LSM1: variants seen among roughly 807,000 people sequenced by gnomAD.
LSM1 encodes the protein LSM1 homolog, mRNA degradation associated, also known as U6 snRNA-associated Sm-like protein LSm1.
In LSM1, 13 loss-of-function variants were observed where a neutral mutation model predicts 18.0. The ratio of observed to expected loss-of-function variants is 0.72; its 90% CI spans 0.47 to 1.15. LSM1 has a LOEUF of 1.15. Ranked by LOEUF, LSM1 falls within the 50% of genes most tolerant of loss-of-function variation. The pLI is 0.00. For missense variants in LSM1, 152 were observed against 157.7 expected, an observed-to-expected ratio of 0.96 and a Z score of 0.19; for synonymous variants, 46 against 56.0, an observed-to-expected ratio of 0.82 and a Z score of 0.80.
intron 3 of LSM1, among the ~76,000 whole-genome samples, chr8:38,166,391 A>G (rs1250977862): frequency 6.6e-6 from 1 of 152,230 alleles, no homozygotes; most frequent in African/African-American, 2.4e-5. Flanking sequence ...AGTGTGAGCC[A>G]CTGTGCCTGG....
Position 38,163,821 on chromosome 8 carries a change from T to C in LSM1, c.251A>G (p.Asp84Gly). Residue 84 changes from aspartate to glycine, a missense_variant, in exon 4 of 4, where the codon GAC becomes GGC. Physicochemically the swap from Asp to Gly is moderately conservative, Grantham distance 94. Transcript: ENST00000311351. ...LGEIDLEKES[D>G]TPLQQVSIEE... ...AATGGATACTTGCTGGAGGGGTGTG[T>C]CACTCTCCTTTTCCAAGTCCTACAA... 5 of 1,614,118 alleles carry C rather than the reference T, an allele frequency of 3.1e-6. No homozygotes were observed. The highest frequency in any genetic ancestry group is 4.2e-6 in the Non-Finnish European group (5 of 1,179,988).
intron 2 of LSM1, among the ~76,000 whole-genome samples, chr8:38,170,659 A>G (rs2130644377): frequency 6.6e-6 from 1 of 152,284 alleles, no homozygotes; most frequent in East Asian, 1.9e-4. Flanking sequence ...ACTTTCTTTT[A>G]GTAATTAGGA....
chr8:38,170,394 T>A (rs1443128669), intron 2 of LSM1, among the ~76,000 whole-genome samples: 2 of 152,208 alleles, frequency 1.3e-5, no homozygotes, highest in Non-Finnish European at 2.9e-5. Flanking sequence ...TCCTATTTCA[T>A]TGAGTAAGAC....
intron 1 of LSM1, among the ~76,000 whole-genome samples, chr8:38,172,823 G>A (rs1803053569): frequency 6.6e-6 from 1 of 152,168 alleles, no homozygotes; most frequent in Non-Finnish European, 1.5e-5. Flanking sequence ...TTAAAATGAA[G>A]ACTAATAATA....
intron 2 of LSM1, among the ~76,000 whole-genome samples, 156 bp from the exon 3 acceptor site, chr8:38,170,073 G>A (rs1443209707): frequency 1.3e-5 from 2 of 152,008 alleles, no homozygotes; most frequent in African/African-American, 2.4e-5. Flanking sequence ...ACCGAGTCTC[G>A]CTCTGTCACC....
At position 38,169,611 on chromosome 8, in the gene LSM1, T is replaced by C. The variant is rs192269563; in HGVS notation, c.231+191A>G. 8.5e-5 allele frequency among the ~76,000 whole-genome samples: 13 copies of C among 152,342 alleles called. No individual in the cohort carries two copies. In the East Asian group the frequency reaches 2.5e-3, roughly 29 times the overall value. Reference sequence around the variant, plus strand: ...TCAATTTTCTGCTATTAAACAAATATATTAATGAACACATTTGTTAAGGCA... The same window carrying C: ...TCAATTTTCTGCTATTAAACAAATACATTAATGAACACATTTGTTAAGGCA... On this transcript the variant is annotated intron_variant, in intron 3 of 3. Coordinates refer to ENST00000311351, the MANE Select transcript of LSM1 (RefSeq NM_014462.3).
At chr8:38,170,274 T>C (rs376265168) in intron 2 of LSM1, among the ~76,000 whole-genome samples, 2 of 152,204 alleles carry the variant, frequency 1.3e-5, no homozygotes, top group African/African-American at 4.8e-5. Flanking sequence ...CCTGGCCTTG[T>C]GATCCGCCCA....
intron 3 of LSM1, 56 bp downstream of exon 3, chr8:38,169,746 G>T: frequency 1.0e-6 from 1 of 982,538 alleles, no homozygotes; most frequent in Non-Finnish European, 1.6e-6. Context: ...GACAAAAAAA[G>T]AAGTCTAACT....
At chr8:38,166,126 A>G (rs2091247573) in intron 3 of LSM1, 2 of 152,062 alleles carry the variant, frequency 1.3e-5, no homozygotes, top group Non-Finnish European at 2.9e-5. Flanking sequence ...CACATTTTTC[A>G]TTTTTTTAGA....
At position 38,166,419 on chromosome 8, in the gene LSM1, T is replaced by C. The variant is rs144926627; in HGVS notation, c.232-2579A>G. Among the ~76,000 whole-genome samples the C allele has an allele frequency of 4.3e-3, 661 of 152,352 alleles. 4 individuals are homozygous for C. The highest frequency in any genetic ancestry group is 0.024 in the Middle Eastern group (7 of 294). ...GTGCCTGGCCCTTATAAACATTTGCTAACCAATGTCATAATGCAGAAGAAC... is the reference window on the plus strand; with the variant it reads ...GTGCCTGGCCCTTATAAACATTTGCCAACCAATGTCATAATGCAGAAGAAC... On this transcript the variant is annotated intron_variant, in intron 3 of 3. Transcript: ENST00000311351.
chr8:38,174,487 A>G, intron 1 of LSM1, among the ~76,000 whole-genome samples: 1 of 152,130 alleles, frequency 6.6e-6, no homozygotes. Context: ...AAGTTTTCAT[A>G]AAGTAGGGGG....
chr8:38,172,278 T>G (rs2130646481), intron 1 of LSM1, among the ~76,000 whole-genome samples: 1 of 150,532 alleles, frequency 6.6e-6, no homozygotes, highest in African/African-American at 2.4e-5. Context: ...GAAGCCTGAC[T>G]AGCTGGCTCT....
intron 2 of LSM1, 49 bp from the exon 3 acceptor site, chr8:38,169,966 G>T: frequency 1.2e-6 from 1 of 864,908 alleles, no homozygotes. Context: ...AAACTACTGG[G>T]TAAAGGCCCA....
At chr8:38,165,392 T>C (rs1457315150) in intron 3 of LSM1, among the ~76,000 whole-genome samples, 3 of 151,878 alleles carry the variant, frequency 2.0e-5, no homozygotes, top group African/African-American at 7.3e-5. Flanking sequence ...AAAAAATTCC[T>C]TATTTAAAAA....
intron 3 of LSM1, among the ~76,000 whole-genome samples, chr8:38,169,320 T>C (rs1802987377): frequency 6.6e-6 from 1 of 152,162 alleles, no homozygotes; most frequent in African/African-American, 2.4e-5. Flanking sequence ...ACCCTCTCCC[T>C]GGCTGTGAGC....
upstream of LSM1, chr8:38,176,555 T>C (rs573647909): frequency 1.6e-4 from 93 of 578,518 alleles, no homozygotes; most frequent in African/African-American, 1.6e-3. Context: ...AGCCGTACCG[T>C]TGGGGGACAC....
At position 38,168,590 on chromosome 8, in the gene LSM1, C is replaced by T. The variant is rs12542153; in HGVS notation, c.231+1212G>A. On this transcript the variant is annotated intron_variant, in intron 3 of 3. Coordinates refer to ENST00000311351, the MANE Select transcript of LSM1 (RefSeq NM_014462.3). ...TGGGCAACAGGAGCAAAACTCTGTC[C>T]CAAAAAAAAAAAAAAACCCAAAAAA... 6.0e-3 allele frequency among the ~76,000 whole-genome samples: 652 copies of T among 108,714 alleles called. 5 individuals carry two copies. The highest frequency in any genetic ancestry group is 0.021 in the African/African-American group (507 of 24,116). 71.3% of individuals were successfully genotyped at this position (108,714 alleles called of 152,430 possible).
chr8:38,172,425 G>A lies in LSM1; in HGVS notation c.47-392C>T, dbSNP rs538861377. On this transcript the variant is annotated intron_variant, in intron 1 of 3. Transcript: ENST00000311351. ...CAACCTCTGCCTCCCAGGTTCAAGC[G>A]ATCCTCCTGCATCGGCCTCCTTAGT... 3.3e-4 allele frequency among the ~76,000 whole-genome samples: 49 copies of A among 150,448 alleles called. 2 individuals are homozygous for A. The East Asian group carries it at 8.9e-3, about 27-fold the overall frequency.
chr8:38,171,901 A>G (rs1230846848), intron 2 of LSM1, 64 bp downstream of exon 2: 95 of 1,268,192 alleles, frequency 7.5e-5, no homozygotes, highest in Non-Finnish European at 1.1e-6. Context: ...ATTAAATAAC[A>G]AAAAATGCAA....
Sources: gnomAD v4.1 joint callset for allele counts (sites outside exome capture counted in the v4.1 genomes callset) on GRCh38, gnomAD v4.1.1 for gene constraint, MANE v1.5 for transcripts, NCBI Gene and HGNC (gene_info 2026-07-23, HGNC 2026-07-21) for gene names.